The following RTL9 variants were observed in gnomAD, a reference collection of about 807,000 sequenced individuals.
The protein encoded by RTL9 is retrotransposon Gag like 9, also known as retrotransposon Gag-like protein 9.
Under a neutral mutation model 44.7 loss-of-function variants are expected in RTL9, and 19 were observed. The ratio of observed to expected loss-of-function variants is 0.42; its 90% CI spans 0.30 to 0.62. The LOEUF is 0.62. RTL9 is among the 20% of genes least tolerant of loss of function. RTL9 has a pLI of 0.16. For missense variants in RTL9, 1,105 were observed against 1,080.6 expected, an observed-to-expected ratio of 1.02 and a Z score of -0.32; for synonymous variants, 407 against 398.9, an observed-to-expected ratio of 1.02 and a Z score of -0.24.
At position 110,453,292 on chromosome X, in the gene RTL9, C is replaced by T; in HGVS notation, c.2675C>T (p.Pro892Leu). 8.3e-7 allele frequency: 1 copy of T among 1,211,956 alleles called. No homozygotes were observed. Residue 892 changes from proline to leucine, a missense_variant, in exon 1 of 2, where the codon CCA (proline) becomes CTA (leucine). Coordinates refer to ENST00000540313, the Ensembl canonical transcript of RTL9. ...ATGTGCACACTACCAGTGCGAGCCC[C>T]AGCCTCTGGAGGGGTGTCCTCACCA... is the stretch of plus-strand genomic sequence containing the variant.
chrX:110,407,473 TAAC>T (rs1413190898), intron 1 of RTL9, among the ~76,000 whole-genome samples: 1 of 112,416 alleles, frequency 8.9e-6, no homozygotes, highest in African/African-American at 3.2e-5. Flanking sequence ...ATAATACAAA[TAAC>T]AACCATTTAC....
At chrX:110,444,763 C>T (rs1010524656) in intron 1 of RTL9, among the ~76,000 whole-genome samples, 1 of 112,369 alleles carries the variant, frequency 8.9e-6, no homozygotes, top group African/African-American at 3.2e-5. Context: ...CTCCTATTGC[C>T]ACTTGTGTTC....
chrX:110,377,614 C>A (rs2068386160), intron 1 of RTL9, among the ~76,000 whole-genome samples: 1 of 111,962 alleles, frequency 8.9e-6, no homozygotes, highest in South Asian at 3.7e-4. Flanking sequence ...ATTTCTTTTG[C>A]TTTTGTTTGA....
intron 1 of RTL9, among the ~76,000 whole-genome samples, chrX:110,413,317 GCGCCCTCTAGTGGACA>G (rs2068654375): frequency 9.0e-6 from 1 of 111,396 alleles, no homozygotes; most frequent in East Asian, 2.8e-4. Context: ...TTTGCCACCA[GCGCCCTCTAGTGGACA>G]CTGTCCACAC....
intron 1 of RTL9, among the ~76,000 whole-genome samples, chrX:110,385,331 T>C (rs764322412): frequency 8.9e-6 from 1 of 111,999 alleles, no homozygotes; most frequent in Non-Finnish European, 1.9e-5. Flanking sequence ...AAAAACAGCT[T>C]TATTGAGATA....
intron 1 of RTL9, among the ~76,000 whole-genome samples, chrX:110,369,935 C>T (rs183830978): frequency 9.0e-6 from 1 of 110,751 alleles, no homozygotes; most frequent in East Asian, 2.8e-4. Context: ...CACTTGTGTG[C>T]GTGTGTACAT....
intron 1 of RTL9, among the ~76,000 whole-genome samples, chrX:110,377,576 G>A (rs948920283): frequency 4.5e-5 from 5 of 112,056 alleles, no homozygotes; most frequent in Non-Finnish European, 9.4e-5. Context: ...GTGCTGCACA[G>A]TATTTTCTTA....
At chrX:110,451,296 G>A in exon 1 of RTL9, 1 of 1,211,829 alleles carries the variant, frequency 8.3e-7, no homozygotes, top group Non-Finnish European at 1.1e-6. Context: ...TCCCAGCTCT[G>A]AGGCAATGTC....
chrX:110,388,898 G>A (rs917794491), intron 1 of RTL9, among the ~76,000 whole-genome samples: 9 of 112,506 alleles, frequency 8.0e-5, no homozygotes, highest in Non-Finnish European at 1.9e-5. Context: ...AGTGGGGAGA[G>A]TGTGAACTGG....
At chrX:110,410,410 G>A (rs5942920) in intron 1 of RTL9, among the ~76,000 whole-genome samples, 12,392 of 111,592 alleles carry the variant, frequency 0.11, 1,606 homozygotes, top group African/African-American at 0.37. Context: ...TAGGACAAGA[G>A]GAACTCGCCA....
chrX:110,380,628 A>G (rs992834399), intron 1 of RTL9, among the ~76,000 whole-genome samples: 1 of 112,507 alleles, frequency 8.9e-6, no homozygotes, highest in Non-Finnish European at 1.9e-5. Context: ...AACGAGCCCA[A>G]ATAGTCAAAG....
exon 1 of RTL9, chrX:110,451,965 A>G (rs755987922): frequency 1.7e-6 from 2 of 1,211,969 alleles, no homozygotes; most frequent in South Asian, 3.5e-5. Flanking sequence ...CTCTGGAGTG[A>G]TGTCCACAGA....
chrX:110,381,993 C>T (rs1218439733), intron 1 of RTL9, among the ~76,000 whole-genome samples: 1 of 110,543 alleles, frequency 9.0e-6, no homozygotes, highest in African/African-American at 3.3e-5. Flanking sequence ...ACATGTACCC[C>T]CTGAATCTAA....
chrX:110,408,784 A>G (rs929949197), intron 1 of RTL9, among the ~76,000 whole-genome samples: 1 of 112,548 alleles, frequency 8.9e-6, no homozygotes, highest in South Asian at 3.7e-4. Flanking sequence ...ACTTCATTTA[A>G]TCATTCAATG....
chrX:110,381,234 C>A (rs2068416418), intron 1 of RTL9, among the ~76,000 whole-genome samples: 1 of 111,437 alleles, frequency 9.0e-6, no homozygotes, highest in Non-Finnish European at 1.9e-5. Context: ...AATCAACAAG[C>A]AAAAAACAAC....
At chrX:110,361,546 AC>A (rs2068263822) in intron 1 of RTL9, among the ~76,000 whole-genome samples, 1 of 108,394 alleles carries the variant, frequency 9.2e-6, no homozygotes, top group African/African-American at 3.4e-5. Flanking sequence ...TAACAACAAA[AC>A]CCCTTATAAT....
At chrX:110,432,288 G>A (rs763967252) in intron 1 of RTL9, among the ~76,000 whole-genome samples, 101 of 112,225 alleles carry the variant, frequency 9.0e-4, no homozygotes, top group Non-Finnish European at 1.4e-3. Flanking sequence ...GCAAGACGGG[G>A]AGCCACATGG....
intron 1 of RTL9, among the ~76,000 whole-genome samples, chrX:110,394,242 G>C (rs1035591969): frequency 8.9e-6 from 1 of 112,022 alleles, no homozygotes; most frequent in South Asian, 3.7e-4. Flanking sequence ...GGTGGTTTTT[G>C]TTTGTTTGTT....
intron 1 of RTL9, among the ~76,000 whole-genome samples, chrX:110,425,619 T>G (rs925126372): frequency 1.8e-5 from 2 of 112,911 alleles, no homozygotes; most frequent in Non-Finnish European, 3.7e-5. Context: ...AGTGAGTACT[T>G]ACTATGGGCC....
Sources: allele counts gnomAD v4.1 joint callset (sites outside exome capture counted in the v4.1 genomes callset), GRCh38; gene constraint gnomAD v4.1.1; transcripts MANE v1.5; gene names NCBI Gene and HGNC (gene_info 2026-07-23, HGNC 2026-07-21).